Variants in DGKZ observed in about 807,000 individuals in gnomAD.
DGKZ encodes DAG kinase zeta.
DGKZ carries 45 observed loss-of-function variants against 142.5 expected under a neutral mutation model. The observed-to-expected ratio is 0.32, with a 90% CI of 0.25 to 0.40. The LOEUF (loss-of-function observed/expected upper bound fraction) is 0.40. Ranked by LOEUF, DGKZ falls within the 10% of genes least tolerant of loss-of-function variation. The pLI is 1.00. For synonymous variants in DGKZ, 442 were observed against 527.0 expected (o/e 0.84, Z 2.21); for missense variants, 755 against 1,306.5 (o/e 0.58, Z 6.51).
intron 18 of DGKZ, 38 bp from the exon 19 acceptor site, chr11:46,374,896 C>T (rs751124884): frequency 1.3e-6 from 2 of 1,572,870 alleles, no homozygotes; most frequent in Non-Finnish European, 1.7e-6. Context: ...CCTGCAGAGA[C>T]TGTGTTTTGA....
intron 1 of DGKZ, among the ~76,000 whole-genome samples, chr11:46,357,291 C>T (rs1942139981): frequency 6.6e-6 from 1 of 152,024 alleles, no homozygotes; most frequent in South Asian, 2.1e-4. Flanking sequence ...CCCCTTGTGA[C>T]TTCATGTCAC....
chr11:46,366,534 C>T (rs1166102077), intron 1 of DGKZ: 1 of 1,597,942 alleles, frequency 6.3e-7, no homozygotes, highest in Admixed American at 1.7e-5. Flanking sequence ...AAGGTGCTCA[C>T]TCCACAGCCT....
rs1007213970 is a variant in DGKZ, at chr11:46,368,473, CTG to C, written c.444+397_444+398del. On this transcript the variant is annotated intron_variant, in intron 4 of 30. Coordinates refer to ENST00000527911, the Ensembl canonical transcript of DGKZ. ...ACCTTTCCCCAAGGGCCATTGTCCA[CTG>C]TGCATTTGCAGCTGGGGGCATGTCT... 34 of 354,376 alleles carry C rather than the reference CTG, an allele frequency of 9.6e-5. 1 individual carries two copies. The Admixed American group carries it at 1.2e-3, about 12-fold the overall frequency. The allele number at this position is 354,376 out of a possible 1,614,324, so 22.0% of individuals were successfully genotyped here. A position where few individuals can be genotyped will look rare whatever the true frequency, so the allele number is the denominator to read the frequency against.
intron 20 of DGKZ, 53 bp downstream of exon 20, chr11:46,375,684 T>G (rs1453599632): frequency 6.6e-7 from 1 of 1,520,342 alleles, no homozygotes; most frequent in African/African-American, 1.4e-5. Flanking sequence ...CCCTGCCCTC[T>G]CTGGGCCTTG....
At chr11:46,366,737 C>T (rs772985228) in intron 1 of DGKZ, 2 of 1,552,330 alleles carry the variant, frequency 1.3e-6, no homozygotes, top group South Asian at 2.4e-5. Context: ...CTACCTGCGC[C>T]GAGCCTCCTC....
At chr11:46,335,646 C>T (rs1252356429) in intron 1 of DGKZ, among the ~76,000 whole-genome samples, 1 of 152,210 alleles carries the variant, frequency 6.6e-6, no homozygotes, top group Non-Finnish European at 1.5e-5. Context: ...TGCTGTCACC[C>T]TTGGACAGAT....
intron 6 of DGKZ, among the ~76,000 whole-genome samples, chr11:46,370,357 G>T (rs746952661): frequency 3.9e-5 from 6 of 152,268 alleles, no homozygotes; most frequent in Non-Finnish European, 5.9e-5. Flanking sequence ...ACCCTCCTGA[G>T]GACAGTGTGG....
chr11:46,364,945 C>T, intron 1 of DGKZ: 1 of 985,458 alleles, frequency 1.0e-6, no homozygotes, highest in Non-Finnish European at 1.2e-6. Context: ...GGACCAGGGC[C>T]CAGGAGATCA....
intron 1 of DGKZ, among the ~76,000 whole-genome samples, chr11:46,355,799 C>T (rs1026547394): frequency 6.6e-6 from 1 of 151,660 alleles, no homozygotes; most frequent in African/African-American, 2.4e-5. Context: ...CAGGTTGGAG[C>T]GCAATGGCGC....
chr11:46,357,439 G>C (rs1056334633), intron 1 of DGKZ, among the ~76,000 whole-genome samples: 1 of 152,314 alleles, frequency 6.6e-6, no homozygotes, highest in South Asian at 2.1e-4. Flanking sequence ...CCAAACCAAG[G>C]CTGTTGCCAT....
At chr11:46,379,182 C>G in intron 28 of DGKZ, 21 bp from the exon 29 acceptor site, 1 of 1,612,794 alleles carries the variant, frequency 6.2e-7, no homozygotes, top group Non-Finnish European at 8.5e-7. Flanking sequence ...GCCTCTCTGA[C>G]CACCACCTCC....
upstream of DGKZ, chr11:46,345,624 T>C (rs942683457): frequency 2.0e-6 from 3 of 1,470,586 alleles, no homozygotes; most frequent in Non-Finnish European, 2.7e-6. The surrounding 1 kb of genome is among the most constrained non-coding windows in gnomAD (Gnocchi z 4.1). Context: ...GCATGGGACC[T>C]CTGTCCCTCT....
chr11:46,362,154 C>T (rs1942728519), intron 1 of DGKZ, among the ~76,000 whole-genome samples: 1 of 152,182 alleles, frequency 6.6e-6, no homozygotes, highest in Non-Finnish European at 1.5e-5. Flanking sequence ...GAGGCAGCTG[C>T]AGGCCCTTGC....
chr11:46,371,438 C>A, intron 7 of DGKZ, 49 bp from the exon 8 acceptor site: 1 of 1,608,586 alleles, frequency 6.2e-7, no homozygotes, highest in African/African-American at 1.3e-5. Context: ...GGTTTGGGTC[C>A]CCGAGTCTGA....
At chr11:46,379,764 C>A in intron 30 of DGKZ, 67 bp from the exon 31 acceptor site, 1 of 1,459,624 alleles carries the variant, frequency 6.9e-7, no homozygotes, top group Non-Finnish European at 9.2e-7. Context: ...AGAGCCCCTG[C>A]CTCTCAGCCT....
chr11:46,350,036 A>G (rs1941170852), intron 1 of DGKZ, among the ~76,000 whole-genome samples: 1 of 152,204 alleles, frequency 6.6e-6, no homozygotes, highest in African/African-American at 2.4e-5. Context: ...GTGCTCTTAT[A>G]GGATGCCTGA....
At chr11:46,354,616 AG>A (rs1362328563) in intron 1 of DGKZ, among the ~76,000 whole-genome samples, 3 of 152,218 alleles carry the variant, frequency 2.0e-5, no homozygotes, top group Non-Finnish European at 4.4e-5. Context: ...GCTTAGCATT[AG>A]GCCATATTTG....
chr11:46,345,439 C>CG (rs1447923668), upstream of DGKZ: 6 of 1,467,182 alleles, frequency 4.1e-6, no homozygotes, highest in East Asian at 8.7e-5. This position sits in a 1 kb window ranked among gnomAD's most constrained non-coding sequence, Gnocchi z 4.1. Context: ...GCCACAGTGC[C>CG]GGGGGAAGCT....
chr11:46,357,851 C>T (rs945615674), intron 1 of DGKZ, among the ~76,000 whole-genome samples: 8 of 152,204 alleles, frequency 5.3e-5, no homozygotes. Flanking sequence ...GGCCAGTATT[C>T]GGGGCAGAAG....
Sources: gnomAD v4.1 joint callset for allele counts (sites outside exome capture counted in the v4.1 genomes callset) on GRCh38, gnomAD v4.1.1 for gene constraint, Gnocchi (gnomAD v3.1) non-coding constraint, MANE v1.5 for transcripts, NCBI Gene and HGNC (gene_info 2026-07-23, HGNC 2026-07-21) for gene names.